The following KIF11 variants were observed in gnomAD, a reference collection of about 807,000 sequenced individuals.
KIF11 encodes the protein kinesin-like protein KIF11.
Under a neutral mutation model 121.0 loss-of-function variants are expected in KIF11, and 9 were observed. That is an observed-to-expected ratio of 0.07 (90% CI 0.04 to 0.13). The LOEUF (loss-of-function observed/expected upper bound fraction) is 0.13, where lower values mean the gene tolerates loss of function less well. Among genes scored for constraint, KIF11 ranks in the 10% least tolerant of loss-of-function variants. KIF11 has a pLI of 1.00. For missense variants in KIF11, 846 were observed against 1,217.5 expected, an observed-to-expected ratio of 0.69 and a Z score of 4.54; for synonymous variants, 408 against 421.0, an observed-to-expected ratio of 0.97 and a Z score of 0.38.
intron 16 of KIF11, 115 bp from the exon 17 acceptor site, chr10:92,639,679 C>G (rs1328003106): frequency 3.3e-6 from 2 of 599,082 alleles, no homozygotes; most frequent in African/African-American, 1.9e-5. Context: ...TATCTCTTGT[C>G]AAGAATTTAT....
chr10:92,602,825 C>CACGTGTGTGTGT (rs1457102223), intron 1 of KIF11, among the ~76,000 whole-genome samples: 1 of 122,382 alleles, frequency 8.2e-6, no homozygotes, highest in Non-Finnish European at 1.7e-5. Context: ...CACACACACA[C>CACGTGTGTGTGT]GTGTGTGTGT....
At chr10:92,596,120 C>T (rs1483578042) in intron 1 of KIF11, among the ~76,000 whole-genome samples, 1 of 152,188 alleles carries the variant, frequency 6.6e-6, no homozygotes, top group Non-Finnish European at 1.5e-5. Context: ...TCTCCTGCCT[C>T]AGCCTCCCAA....
At chr10:92,624,714 T>C (rs1207056368) in intron 10 of KIF11, among the ~76,000 whole-genome samples, 2 of 151,952 alleles carry the variant, frequency 1.3e-5, no homozygotes, top group Non-Finnish European at 2.9e-5. Context: ...TTATATTCCT[T>C]TGGGTATATA....
chr10:92,620,323 G>A (rs562710951), intron 9 of KIF11, among the ~76,000 whole-genome samples: 6 of 152,044 alleles, frequency 3.9e-5, no homozygotes, highest in Admixed American at 6.6e-5. Context: ...CTTGTGATCC[G>A]CCCGCCTCGG....
chr10:92,621,632 C>T (rs1222416833), intron 10 of KIF11, among the ~76,000 whole-genome samples, 159 bp downstream of exon 10: 3 of 127,684 alleles, frequency 2.3e-5, no homozygotes, highest in African/African-American at 4.1e-5. Context: ...GACAAGGTCT[C>T]GCACTGTCAC....
intron 1 of KIF11, among the ~76,000 whole-genome samples, chr10:92,596,355 G>A (rs1387045114): frequency 1.3e-5 from 2 of 152,158 alleles, no homozygotes; most frequent in Non-Finnish European, 2.9e-5. Flanking sequence ...ATGAATATGG[G>A]TTTTCAATTC....
intron 1 of KIF11, among the ~76,000 whole-genome samples, chr10:92,599,379 G>A (rs1844340095): frequency 6.6e-6 from 1 of 151,364 alleles, no homozygotes; most frequent in African/African-American, 2.4e-5. Context: ...ACAAAAATTA[G>A]CCATGCATCG....
intron 8 of KIF11, among the ~76,000 whole-genome samples, chr10:92,616,009 T>A (rs191564799): frequency 6.6e-6 from 1 of 152,034 alleles, no homozygotes; most frequent in Non-Finnish European, 1.5e-5. Context: ...TGGCTAATTT[T>A]TGTATTTGTG....
chr10:92,595,345 C>G (rs1844283082), intron 1 of KIF11, among the ~76,000 whole-genome samples: 1 of 152,132 alleles, frequency 6.6e-6, no homozygotes, highest in Admixed American at 6.5e-5. Flanking sequence ...TAGGCGTGAG[C>G]TACTGTACCC....
chr10:92,640,795 C>T (rs1008961825), intron 17 of KIF11, among the ~76,000 whole-genome samples: 1 of 150,514 alleles, frequency 6.6e-6, no homozygotes, highest in Non-Finnish European at 1.5e-5. Context: ...TACAGTGGCG[C>T]GAGTGCAGTG....
At chr10:92,649,509 T>C (rs1404988402) in intron 19 of KIF11, among the ~76,000 whole-genome samples, 1 of 152,228 alleles carries the variant, frequency 6.6e-6, no homozygotes, top group African/African-American at 2.4e-5. Flanking sequence ...TTGGGAAATC[T>C]ACTCATTCCA....
intron 1 of KIF11, among the ~76,000 whole-genome samples, chr10:92,594,772 G>C (rs1261784287): frequency 6.6e-6 from 1 of 152,052 alleles, no homozygotes; most frequent in African/African-American, 2.4e-5. Flanking sequence ...TTTATGATCC[G>C]TATACATTTC....
chr10:92,645,863 T>C (rs1844912613), intron 18 of KIF11, among the ~76,000 whole-genome samples: 1 of 152,150 alleles, frequency 6.6e-6, no homozygotes, highest in South Asian at 2.1e-4. Context: ...GTTTCTTTCC[T>C]GTATTTATCC....
rs901119124 is a variant in KIF11 at position 92,653,872 on chromosome 10, G to A, written c.*76G>A. The A allele has an allele frequency of 7.5e-6, 10 of 1,338,284 alleles. No individual in the cohort carries two copies. The Middle Eastern group carries it at 7.7e-4, about 104-fold the overall frequency. The allele number at this position is 1,338,284 out of a possible 1,614,324, so 82.9% of individuals were successfully genotyped here. Reference sequence around the variant, plus strand: ...CCTGAAACCCCAGAACTTGAGCCTTGTGTATAGATTTTAAAAGAATATATA... The same window carrying A: ...CCTGAAACCCCAGAACTTGAGCCTTATGTATAGATTTTAAAAGAATATATA... On this transcript the variant is annotated 3_prime_UTR_variant, in exon 22 of 22. Coordinates refer to ENST00000260731, the MANE Select transcript of KIF11 (RefSeq NM_004523.4).
chr10:92,605,607 C>T (rs1276850487), intron 1 of KIF11, among the ~76,000 whole-genome samples: 1 of 151,410 alleles, frequency 6.6e-6, no homozygotes, highest in Admixed American at 6.6e-5. Context: ...CTGCCTCAGC[C>T]TCCCGAGTAG....
At chr10:92,628,993 T>C in intron 11 of KIF11, 98 bp downstream of exon 11, 1 of 695,534 alleles carries the variant, frequency 1.4e-6, no homozygotes, top group South Asian at 1.9e-5. Flanking sequence ...CAAGATTTTT[T>C]TTTTTTAGAC....
intron 10 of KIF11, among the ~76,000 whole-genome samples, chr10:92,627,875 T>A (rs1670657031): frequency 6.6e-6 from 1 of 152,226 alleles, no homozygotes; most frequent in Non-Finnish European, 1.5e-5. Context: ...CTGCTGCTAT[T>A]TTTTGATTAG....
rs945073522 is a variant in KIF11 at position 92,653,740 on chromosome 10, A to G, written c.3115A>G (p.Thr1039Ala). Reference protein sequence around the residue: ...TLERSKVEETTEHLVTKSRLP... With the variant: ...TLERSKVEETAEHLVTKSRLP... The stretch of plus-strand genomic sequence containing the variant: ...GGAGAGGTCTAAAGTGGAAGAAACT[A>G]CAGAGCACTTGGTTACAAAGAGCAG... The change falls in exon 22 of 22, where the codon ACA becomes GCA. Residue 1039 changes from threonine (T) to alanine (A), a missense_variant. Physicochemically the swap from Thr to Ala is moderately conservative, Grantham distance 58. This residue lies in a region of KIF11 where 492 missense variants were observed against 603.4 expected (regional missense o/e 0.82). Coordinates refer to ENST00000260731, the MANE Select transcript of KIF11 (RefSeq NM_004523.4). 3 of 1,613,746 alleles carry G rather than the reference A, an allele frequency of 1.9e-6. No homozygotes were observed. Among genetic ancestry groups the G allele is most frequent in the Non-Finnish European group, 2.5e-6 (3 of 1,179,620 alleles).
Position 92,613,244 on chromosome 10 carries a change from G to A in KIF11, c.789+114G>A. 1 of 1,064,228 alleles carries A rather than the reference G, an allele frequency of 9.4e-7. No homozygotes were observed. The highest frequency in any genetic ancestry group is 1.6e-5 in the South Asian group (1 of 61,400). The allele number at this position is 1,064,228 out of a possible 1,614,324, so 65.9% of individuals were successfully genotyped here. On this transcript the variant is annotated intron_variant, in intron 7 of 21. Transcript: ENST00000260731. The surrounding 1 kb of genome is among the most constrained non-coding windows in gnomAD (Gnocchi z 4.2). The stretch of plus-strand genomic sequence containing the variant: ...TCACTGGGTGATTAGCTTTGTAGTG[G>A]GAGAAGAAATTTGTTAATTACAGAA...
Sources: allele counts gnomAD v4.1 joint callset (sites outside exome capture counted in the v4.1 genomes callset), GRCh38; gene constraint gnomAD v4.1.1; regional missense constraint gnomAD v4.1.1; non-coding constraint Gnocchi (gnomAD v3.1); transcripts MANE v1.5; gene names NCBI Gene and HGNC (gene_info 2026-07-23, HGNC 2026-07-21).